The following BABAM1 variants were observed in gnomAD, a reference collection of about 807,000 sequenced individuals.
BABAM1 encodes the protein BRISC and BRCA1 A complex member 1, also known as BRISC and BRCA1-A complex member 1.
Under a neutral mutation model 34.4 loss-of-function variants are expected in BABAM1, and 14 were observed. The observed-to-expected ratio is 0.41, with a 90% CI of 0.27 to 0.64. The LOEUF is 0.64. Ranked by LOEUF, BABAM1 falls within the 30% of genes least tolerant of loss-of-function variation. BABAM1 has a pLI of 0.34. For synonymous variants in BABAM1, 169 were observed against 165.8 expected (o/e 1.02, Z -0.15); for missense variants, 393 against 434.0 (o/e 0.91, Z 0.84).
chr19:17,276,760 T>C, intron 7 of BABAM1, 63 bp from the exon 8 acceptor site: 1 of 1,560,050 alleles, frequency 6.4e-7, no homozygotes, highest in Admixed American at 1.9e-5. Flanking sequence ...ATGGGGGAGC[T>C]ATAGTCATGG....
At chr19:17,273,564 G>GTTTTGTTTTTTTTT (rs1555716590) in intron 3 of BABAM1, among the ~76,000 whole-genome samples, 2 of 45,938 alleles carry the variant, frequency 4.4e-5, no homozygotes, top group African/African-American at 1.3e-4. Context: ...TGTTTGTTTT[G>GTTTTGTTTTTTTTT]TTTTTTTTTT....
At position 17,268,495 on chromosome 19, in the gene BABAM1, A is replaced by G. The variant is rs890984240; in HGVS notation, c.-13-299A>G. 2.9e-5 allele frequency: 5 copies of G among 174,984 alleles called. No individual in the cohort carries two copies. In the South Asian group the frequency reaches 5.3e-4, roughly 19 times the overall value. The allele number at this position is 174,984 out of a possible 1,614,324, so 10.8% of individuals were successfully genotyped here. On this transcript the variant is annotated intron_variant, in intron 1 of 8. Transcript: ENST00000598188. ...GCCCAGGATGGAGTGCAGTGGCGGG[A>G]TCTCGGCTCACCGCAGCCTCCCCTC...
rs184899067 is a variant in BABAM1, at chr19:17,276,737, G to A, written c.700-86G>A. On this transcript the variant is annotated intron_variant, in intron 7 of 8. Coordinates refer to ENST00000598188, the MANE Select transcript of BABAM1 (RefSeq NM_014173.4). ...GGGTGCCTAGAGGTAAGTTCCCAGAGTCTGAGGCAGAAATGGGGGAGCTAT... is the reference window on the plus strand; with the variant it reads ...GGGTGCCTAGAGGTAAGTTCCCAGAATCTGAGGCAGAAATGGGGGAGCTAT... 2.0e-4 allele frequency: 308 copies of A among 1,554,748 alleles called. No individual in the cohort carries two copies. The African/African-American group carries it at 3.8e-3, about 19-fold the overall frequency.
intron 5 of BABAM1, 102 bp from the exon 6 acceptor site, chr19:17,275,699 G>T (rs1370132593): frequency 2.7e-6 from 4 of 1,478,486 alleles, no homozygotes; most frequent in Non-Finnish European, 3.8e-6. Flanking sequence ...CACATGGTGC[G>T]TCCCTAGGGG....
rs891638026 is a variant in BABAM1, at chr19:17,276,310, G to A, written c.570-185G>A. On this transcript the variant is annotated intron_variant, in intron 6 of 8. Transcript: ENST00000598188. ...AGATCTCACCATTGCACTTAGAGGG[G>A]TGGGGCTGGGAACATGCTCAGGGCA... is the stretch of plus-strand genomic sequence containing the variant. 6 of 819,012 alleles carry A rather than the reference G, an allele frequency of 7.3e-6. No individual in the cohort carries two copies. The East Asian group carries it at 1.4e-4, about 19-fold the overall frequency. The allele number at this position is 819,012 out of a possible 1,614,324, so 50.7% of individuals were successfully genotyped here. A position where few individuals can be genotyped will look rare whatever the true frequency, so the allele number is the denominator to read the frequency against.
intron 5 of BABAM1, 22 bp from the exon 6 acceptor site, chr19:17,275,779 T>C: frequency 6.2e-7 from 1 of 1,613,732 alleles, no homozygotes; most frequent in Non-Finnish European, 8.5e-7. Flanking sequence ...TCTACTAGCC[T>C]TCTCCTTAGC....
intron 1 of BABAM1, 76 bp from the exon 2 acceptor site, chr19:17,268,718 C>T (rs763663164): frequency 9.1e-6 from 13 of 1,424,336 alleles, no homozygotes; most frequent in South Asian, 2.9e-5. Context: ...CATGAGCCAC[C>T]GTGCCCGACC....
At chr19:17,277,256 T>C (rs4808613) in intron 8 of BABAM1, 31,777 of 198,318 alleles carry the variant, frequency 0.16, 2,973 homozygotes, top group Non-Finnish European at 0.18. Context: ...GGCTGGAGTG[T>C]AGTGGCATGA....
chr19:17,273,040 A>C (rs902054014), intron 3 of BABAM1, among the ~76,000 whole-genome samples: 1 of 152,180 alleles, frequency 6.6e-6, no homozygotes, highest in Non-Finnish European at 1.5e-5. Flanking sequence ...AATAAAATAA[A>C]AAAAGAGTAG....
In BABAM1 at chr19:17,271,658, A is replaced by T. The variant is rs2073842420; in HGVS notation, c.344+3A>T. ...CCAAAGCTGGAGTCGTTCAACGGGT[A>T]AGAGGGACATTTTAGGGCTTGAACA... On this transcript the variant is annotated splice_donor_region_variant and intron_variant, in intron 3 of 8. Coordinates refer to ENST00000598188, the MANE Select transcript of BABAM1 (RefSeq NM_014173.4). 1 of 1,613,446 alleles carries T rather than the reference A, an allele frequency of 6.2e-7. No individual in the cohort carries two copies. The highest frequency in any genetic ancestry group is 1.3e-5 in the African/African-American group (1 of 74,916).
In BABAM1 at chr19:17,275,875, C is replaced by G. The variant is rs773855078; in HGVS notation, c.569+50C>G. 6 of 1,590,570 alleles carry G rather than the reference C, an allele frequency of 3.8e-6. No homozygotes were observed. In the South Asian group the frequency reaches 5.5e-5, roughly 15 times the overall value. ...TATTCACCTTCAAAGAGAAGGGTCA[C>G]TTCTGGGAAAAAGCTCCAAACGGCA... is the stretch of plus-strand genomic sequence containing the variant. On this transcript the variant is annotated intron_variant, in intron 6 of 8. Transcript: ENST00000598188.
rs376002942 is a variant in BABAM1 at position 17,278,946 on chromosome 19, G to A, written c.888G>A (p.Ala296=). The change falls in exon 9 of 9, where the codon GCG becomes GCA. Residue 296 remains alanine, a synonymous_variant. Coordinates refer to ENST00000598188, the MANE Select transcript of BABAM1 (RefSeq NM_014173.4). ...CCCTGGAGTTGCACAACTGCATGGCGAAACTGTTGGCCCACCCCCTGCAGC... is the reference window on the plus strand; with the variant it reads ...CCCTGGAGTTGCACAACTGCATGGCAAAACTGTTGGCCCACCCCCTGCAGC... ...GPALELHNCM[A]KLLAHPLQRP... The A allele has an allele frequency of 6.1e-5, 98 of 1,613,186 alleles. 1 individual carries two copies. Among genetic ancestry groups the A allele is most frequent in the South Asian group, 1.1e-4 (10 of 90,918 alleles).
At chr19:17,267,952 G>T (rs893991994) in intron 1 of BABAM1, among the ~76,000 whole-genome samples, 1 of 151,836 alleles carries the variant, frequency 6.6e-6, no homozygotes, top group Non-Finnish European at 1.5e-5. Context: ...GAAGTTGGTG[G>T]CTTATAGATT....
At chr19:17,275,765 G>A (rs773799004) in intron 5 of BABAM1, 36 bp from the exon 6 acceptor site, 12 of 1,613,352 alleles carry the variant, frequency 7.4e-6, no homozygotes, top group East Asian at 2.2e-5. Flanking sequence ...CCGCTCACTC[G>A]TGCTCTACTA....
At chr19:17,273,569 T>G (rs867106853) in intron 3 of BABAM1, among the ~76,000 whole-genome samples, 7 of 106,996 alleles carry the variant, frequency 6.5e-5, no homozygotes, top group African/African-American at 1.4e-4. Flanking sequence ...GTTTTGTTTT[T>G]TTTTTTTTTT....
chr19:17,278,168 T>C (rs1568336902), intron 8 of BABAM1, among the ~76,000 whole-genome samples: 1 of 151,656 alleles, frequency 6.6e-6, no homozygotes, highest in South Asian at 2.1e-4. Flanking sequence ...AGCGAAACCC[T>C]GTCTCAAAAA....
rs889627089 is a variant in BABAM1, at chr19:17,275,777, C to T, written c.545-24C>T. The T allele has an allele frequency of 1.2e-5, 19 of 1,613,562 alleles. No individual in the cohort carries two copies. In the African/African-American group the frequency reaches 2.0e-4, roughly 17 times the overall value. ...TTCCCGCTCACTCGTGCTCTACTAG[C>T]CTTCTCCTTAGCACCCCCACCAGAT... is the stretch of plus-strand genomic sequence containing the variant. On this transcript the variant is annotated intron_variant, in intron 5 of 8. Transcript: ENST00000598188.
In BABAM1 at chr19:17,275,934, C is replaced by T. The variant is rs2073902959; in HGVS notation, c.569+109C>T. On this transcript the variant is annotated intron_variant, in intron 6 of 8. Transcript: ENST00000598188. The stretch of plus-strand genomic sequence containing the variant: ...ATCTAGGGAGCCTTAAAGCCTCCTC[C>T]CTTCCTACCTCGCCCCGAGCAATTC... 4.5e-5 allele frequency: 57 copies of T among 1,255,840 alleles called. No homozygotes were observed. In the South Asian group the frequency reaches 6.5e-4, roughly 14 times the overall value. The allele number at this position is 1,255,840 out of a possible 1,614,324, so 77.8% of individuals were successfully genotyped here. A position where few individuals can be genotyped will look rare whatever the true frequency, so the allele number is the denominator to read the frequency against.
At chr19:17,278,778 A>G in intron 8 of BABAM1, 67 bp from the exon 9 acceptor site, 1 of 1,454,154 alleles carries the variant, frequency 6.9e-7, no homozygotes. Flanking sequence ...CCCTCCAGGG[A>G]TATGAAGGGC....
Sources: gnomAD v4.1 joint callset for allele counts (sites outside exome capture counted in the v4.1 genomes callset) on GRCh38, gnomAD v4.1.1 for gene constraint, MANE v1.5 for transcripts, NCBI Gene and HGNC (gene_info 2026-07-23, HGNC 2026-07-21) for gene names.